The following KCNH1 variants were observed in gnomAD, a reference collection of about 807,000 sequenced individuals.
KCNH1 encodes potassium voltage-gated channel subfamily H member 1.
KCNH1 carries 27 observed loss-of-function variants against 69.2 expected under a neutral mutation model. The observed-to-expected ratio is 0.39, with a 90% CI of 0.29 to 0.54. The LOEUF is 0.54. KCNH1 is among the 20% of genes least tolerant of loss of function. The pLI, the probability that KCNH1 is intolerant of heterozygous loss-of-function variation, is 0.68. For missense variants in KCNH1, 798 were observed against 1,261.6 expected, an observed-to-expected ratio of 0.63 and a Z score of 5.57; for synonymous variants, 456 against 487.7, an observed-to-expected ratio of 0.93 and a Z score of 0.86.
chr1:210,821,995 C>T (rs1181032365), intron 7 of KCNH1, among the ~76,000 whole-genome samples: 1 of 152,008 alleles, frequency 6.6e-6, no homozygotes, highest in Non-Finnish European at 1.5e-5. Flanking sequence ...AGCCACTGTG[C>T]CCAGCTCTAT....
chr1:210,958,034 T>A (rs544252872), intron 6 of KCNH1, among the ~76,000 whole-genome samples: 3 of 152,342 alleles, frequency 2.0e-5, no homozygotes, highest in Non-Finnish European at 2.9e-5. Flanking sequence ...TTTGGCATGT[T>A]TTTGTAGTGG....
chr1:211,087,302 G>A (rs1266308528), intron 4 of KCNH1, among the ~76,000 whole-genome samples: 1 of 152,144 alleles, frequency 6.6e-6, no homozygotes, highest in Non-Finnish European at 1.5e-5. Flanking sequence ...CTTTGAAAAT[G>A]AATTTGCTCC....
At chr1:210,802,162 A>G (rs1684441883) in intron 8 of KCNH1, among the ~76,000 whole-genome samples, 1 of 152,270 alleles carries the variant, frequency 6.6e-6, no homozygotes, top group Admixed American at 6.5e-5. Context: ...TGCATGTTCA[A>G]GAAATGGTAG....
intron 10 of KCNH1, among the ~76,000 whole-genome samples, chr1:210,707,410 G>A (rs1266513113): frequency 2.0e-5 from 3 of 152,166 alleles, no homozygotes; most frequent in African/African-American, 7.2e-5. Flanking sequence ...TCTCCTCCCA[G>A]ATAGAGCTAT....
chr1:210,934,378 G>C (rs1279904386), intron 6 of KCNH1, among the ~76,000 whole-genome samples: 4 of 152,174 alleles, frequency 2.6e-5, no homozygotes, highest in African/African-American at 9.7e-5. Context: ...AGATGGGCTG[G>C]GCGCGGTGGC....
chr1:210,987,884 G>C (rs1688871029), intron 6 of KCNH1, among the ~76,000 whole-genome samples: 1 of 152,246 alleles, frequency 6.6e-6, no homozygotes, highest in African/African-American at 2.4e-5. Flanking sequence ...CCTAGAGGTG[G>C]AGCCTACAGA....
intron 1 of KCNH1, among the ~76,000 whole-genome samples, chr1:211,114,576 G>A (rs928838752): frequency 3.9e-5 from 6 of 152,182 alleles, no homozygotes; most frequent in Non-Finnish European, 8.8e-5. Flanking sequence ...ATAAATTCCA[G>A]TACGAGGACA....
At chr1:211,102,658 G>A (rs967795848) in intron 3 of KCNH1, among the ~76,000 whole-genome samples, 1 of 152,110 alleles carries the variant, frequency 6.6e-6, no homozygotes, top group Non-Finnish European at 1.5e-5. Context: ...TAAAAACAAC[G>A]CATGCCCTTT....
chr1:210,825,168 C>T (rs1685009830), intron 7 of KCNH1, among the ~76,000 whole-genome samples: 1 of 152,114 alleles, frequency 6.6e-6, no homozygotes, highest in South Asian at 2.1e-4. Context: ...TCTGAATAAC[C>T]ATAGTTTGAG....
intron 6 of KCNH1, among the ~76,000 whole-genome samples, chr1:211,004,591 A>G (rs1476431054): frequency 6.6e-6 from 1 of 152,128 alleles, no homozygotes; most frequent in African/African-American, 2.4e-5. Context: ...AGGAGAGGAG[A>G]AAAAGAGAAA....
At position 211,102,357 on chromosome 1, in the gene KCNH1, T is replaced by C. The variant is rs576340312; in HGVS notation, c.310+1139A>G. ...TCTGGTACGAGCTGTTGCTTTGAGT[T>C]GAGTTGTGTTCCCCTATAGTGGAAA... On this transcript the variant is annotated intron_variant, in intron 3 of 10. Coordinates refer to ENST00000271751, the MANE Select transcript of KCNH1 (RefSeq NM_172362.3). Among the ~76,000 whole-genome samples, 3 of 152,282 alleles carry C rather than the reference T, an allele frequency of 2.0e-5. No homozygotes were observed. The South Asian group carries it at 6.2e-4, about 32-fold the overall frequency.
intron 5 of KCNH1, among the ~76,000 whole-genome samples, chr1:211,078,510 G>A (rs1323882278): frequency 6.6e-6 from 1 of 152,164 alleles, no homozygotes; most frequent in East Asian, 1.9e-4. Context: ...ACCTGCTCCT[G>A]AATGACTACT....
chr1:210,943,685 A>T (rs572383509), intron 6 of KCNH1, among the ~76,000 whole-genome samples: 1 of 152,304 alleles, frequency 6.6e-6, no homozygotes, highest in Non-Finnish European at 1.5e-5. Context: ...AGCAGGTTGC[A>T]TATAAGCACC....
intron 5 of KCNH1, among the ~76,000 whole-genome samples, chr1:211,027,234 G>T (rs1689700003): frequency 6.6e-6 from 1 of 152,090 alleles, no homozygotes; most frequent in Non-Finnish European, 1.5e-5. Context: ...CAGCAAAGGA[G>T]ATATAAGGAA....
chr1:210,748,990 G>T (rs1407485438), intron 10 of KCNH1, among the ~76,000 whole-genome samples: 1 of 152,140 alleles, frequency 6.6e-6, no homozygotes, highest in Non-Finnish European at 1.5e-5. Flanking sequence ...TGTCCACTTG[G>T]CTCTGCTCCG....
At chr1:210,807,920 A>G (rs1684618248) in intron 7 of KCNH1, among the ~76,000 whole-genome samples, 1 of 152,228 alleles carries the variant, frequency 6.6e-6, no homozygotes, top group Admixed American at 6.5e-5. Flanking sequence ...ACCAAAAGAG[A>G]GTTATAAACA....
chr1:210,698,595 G>T (rs929044148), intron 10 of KCNH1, among the ~76,000 whole-genome samples: 1 of 152,260 alleles, frequency 6.6e-6, no homozygotes, highest in Non-Finnish European at 1.5e-5. Flanking sequence ...GAGCCTTTAT[G>T]TACCAGAATC....
intron 6 of KCNH1, among the ~76,000 whole-genome samples, chr1:210,995,882 T>C (rs564276566): frequency 2.4e-4 from 36 of 152,182 alleles, no homozygotes; most frequent in Non-Finnish European, 5.1e-4. Context: ...GTGTAAGTAA[T>C]ATGCTGTGGG....
intron 7 of KCNH1, among the ~76,000 whole-genome samples, chr1:210,838,687 C>T (rs1685338165): frequency 6.6e-6 from 1 of 152,112 alleles, no homozygotes; most frequent in South Asian, 2.1e-4. Flanking sequence ...GTCTAATATC[C>T]AGCATCTATA....
Sources: allele counts gnomAD v4.1 joint callset (sites outside exome capture counted in the v4.1 genomes callset), GRCh38; gene constraint gnomAD v4.1.1; transcripts MANE v1.5; gene names NCBI Gene and HGNC (gene_info 2026-07-23, HGNC 2026-07-21).